Variants in CYRIB observed in about 807,000 individuals in gnomAD.
The protein encoded by CYRIB is CYFIP related Rac1 interactor B, also known as CYFIP-related Rac1 interactor B.
CYRIB carries 8 observed loss-of-function variants against 44.2 expected under a neutral mutation model. That is an observed-to-expected ratio of 0.18 (90% CI 0.11 to 0.33). The LOEUF is 0.33. Among genes scored for constraint, CYRIB ranks in the 10% least tolerant of loss-of-function variants. CYRIB has a pLI of 1.00. For missense variants in CYRIB, 185 were observed against 382.8 expected, an observed-to-expected ratio of 0.48 and a Z score of 4.31; for synonymous variants, 131 against 127.2, an observed-to-expected ratio of 1.03 and a Z score of -0.20.
upstream of CYRIB, among the ~76,000 whole-genome samples, chr8:129,941,147 G>A (rs2093664011): frequency 6.6e-6 from 1 of 151,978 alleles, no homozygotes; most frequent in South Asian, 2.1e-4. Flanking sequence ...GCTTTTTCAA[G>A]GCACACACTA....
At chr8:129,962,139 C>T (rs1305940044) in intron 2 of CYRIB, among the ~76,000 whole-genome samples, 1 of 151,754 alleles carries the variant, frequency 6.6e-6, no homozygotes, top group Non-Finnish European at 1.5e-5. Flanking sequence ...CCCAGCTACT[C>T]GGGGAGGCTG....
intron 1 of CYRIB, among the ~76,000 whole-genome samples, chr8:129,990,976 C>CA (rs759046187): frequency 5.3e-5 from 8 of 151,818 alleles, no homozygotes; most frequent in East Asian, 3.9e-4. Flanking sequence ...ACTAAAAAGA[C>CA]AAAAAATTAG....
intron 1 of CYRIB, among the ~76,000 whole-genome samples, chr8:129,911,546 A>G (rs2078021518): frequency 6.6e-6 from 1 of 152,148 alleles, no homozygotes; most frequent in African/African-American, 2.4e-5. Context: ...TCACACCTGT[A>G]ATCCCAGCAC....
Position 129,864,118 on chromosome 8 carries a change from T to A in CYRIB, c.196-1784A>T, listed in dbSNP as rs1441830993. On this transcript the variant is annotated intron_variant, in intron 4 of 11. Transcript: ENST00000519824. ...ATGGGCTATATACTGGTTAAGCAATTTACTTTACAAGCTTGGCACCATTTT... is the reference window on the plus strand; with the variant it reads ...ATGGGCTATATACTGGTTAAGCAATATACTTTACAAGCTTGGCACCATTTT... Among the ~76,000 whole-genome samples, 8 of 152,358 alleles carry A rather than the reference T, an allele frequency of 5.3e-5. No homozygotes were observed. The East Asian group carries it at 1.5e-3, about 29-fold the overall frequency.
At chr8:129,865,578 C>T (rs974345733) in intron 4 of CYRIB, among the ~76,000 whole-genome samples, 1 of 152,176 alleles carries the variant, frequency 6.6e-6, no homozygotes, top group Non-Finnish European at 1.5e-5. Flanking sequence ...GCCATCATTT[C>T]TCAGAATAAT....
At chr8:130,003,908 C>T (rs943907280) in intron 1 of CYRIB, among the ~76,000 whole-genome samples, 1 of 152,216 alleles carries the variant, frequency 6.6e-6, no homozygotes, top group Non-Finnish European at 1.5e-5. Context: ...CAGATCAACT[C>T]CTGGATGGGG....
At chr8:129,922,775 A>T (rs2137261507) in intron 1 of CYRIB, among the ~76,000 whole-genome samples, 1 of 151,920 alleles carries the variant, frequency 6.6e-6, no homozygotes, top group Admixed American at 6.6e-5. Flanking sequence ...AGGCAGGAGA[A>T]TGGCATGAAC....
chr8:129,946,255 G>A (rs191077403), intron 2 of CYRIB, among the ~76,000 whole-genome samples: 10 of 151,710 alleles, frequency 6.6e-5, no homozygotes, highest in African/African-American at 2.2e-4. Flanking sequence ...TTTGCTGCCA[G>A]CCTTCACTCA....
intron 4 of CYRIB, among the ~76,000 whole-genome samples, chr8:129,868,913 C>G (rs1468570268): frequency 4.8e-5 from 7 of 146,680 alleles, no homozygotes; most frequent in African/African-American, 1.8e-4. Flanking sequence ...AAAAAAAAAC[C>G]CGGGCTGGGC....
intron 1 of CYRIB, among the ~76,000 whole-genome samples, chr8:129,907,555 C>A (rs796626876): frequency 5.9e-5 from 9 of 152,062 alleles, no homozygotes; most frequent in African/African-American, 2.2e-4. Context: ...AACAAACCTG[C>A]ACATTGTGCA....
chr8:130,010,302 G>T (rs747764379), intron 1 of CYRIB, among the ~76,000 whole-genome samples: 1 of 152,220 alleles, frequency 6.6e-6, no homozygotes, highest in Non-Finnish European at 1.5e-5. Context: ...CAGCCTTACT[G>T]CTAAACACAG....
chr8:129,847,905 G>GA (rs2041081397), intron 10 of CYRIB, among the ~76,000 whole-genome samples: 1 of 152,088 alleles, frequency 6.6e-6, no homozygotes, highest in African/African-American at 2.4e-5. Context: ...GGATTTAAGC[G>GA]ATTCTCCCAC....
At chr8:129,910,451 T>G (rs1205033668) in intron 1 of CYRIB, among the ~76,000 whole-genome samples, 1 of 150,792 alleles carries the variant, frequency 6.6e-6, no homozygotes. Flanking sequence ...CTTCACAGCA[T>G]CCTTGACAAG....
chr8:129,976,866 G>C lies in CYRIB; in HGVS notation c.-295-5871C>G, dbSNP rs552197740. 1.1e-4 allele frequency among the ~76,000 whole-genome samples: 16 copies of C among 151,932 alleles called. No homozygotes were observed. The South Asian group carries it at 3.1e-3, about 30-fold the overall frequency. ...GGGGTTTTTTTTTAATTGAGACAAAGAGTCTGGCTCTGTTGCCCAGGCTGG... is the reference window on the plus strand; with the variant it reads ...GGGGTTTTTTTTTAATTGAGACAAACAGTCTGGCTCTGTTGCCCAGGCTGG... On this transcript the variant is annotated intron_variant, in intron 1 of 14. Coordinates refer to the CYRIB transcript ENST00000401979.
chr8:129,994,567 C>T (rs2096725563), intron 1 of CYRIB, among the ~76,000 whole-genome samples: 1 of 152,198 alleles, frequency 6.6e-6, no homozygotes, highest in Admixed American at 6.5e-5. Context: ...GGCCATCTAC[C>T]TCCCAGAATG....
intron 1 of CYRIB, among the ~76,000 whole-genome samples, chr8:129,928,148 C>T (rs953086239): frequency 2.0e-5 from 3 of 150,972 alleles, no homozygotes; most frequent in Non-Finnish European, 4.4e-5. Context: ...TTAAACTAGA[C>T]TCTACCAAGT....
intron 11 of CYRIB, 139 bp from the exon 14 acceptor site, chr8:129,842,344 G>T: frequency 1.6e-6 from 1 of 639,862 alleles, no homozygotes; most frequent in South Asian, 1.9e-5. Flanking sequence ...CTTTAACCCT[G>T]TTCAGGTTCT....
chr8:129,945,755 T>A (rs573978570), intron 2 of CYRIB, among the ~76,000 whole-genome samples: 1 of 152,128 alleles, frequency 6.6e-6, no homozygotes, highest in African/African-American at 2.4e-5. Context: ...GCATTTTTAA[T>A]AGAGACAGGG....
chr8:129,928,617 G>A (rs189265616), intron 1 of CYRIB, among the ~76,000 whole-genome samples: 159 of 151,094 alleles, frequency 1.1e-3, no homozygotes, highest in Non-Finnish European at 1.9e-3. Flanking sequence ...GTGTGATTAT[G>A]CCACTATACT....
Sources: allele counts gnomAD v4.1 joint callset (sites outside exome capture counted in the v4.1 genomes callset), GRCh38; gene constraint gnomAD v4.1.1; transcripts MANE v1.5; gene names NCBI Gene and HGNC (gene_info 2026-07-23, HGNC 2026-07-21).